Variants in COG4 observed in about 807,000 individuals in gnomAD.
COG4 encodes the protein conserved oligomeric Golgi complex subunit 4.
In COG4, 65 loss-of-function variants were observed where a neutral mutation model predicts 95.1. The observed-to-expected ratio is 0.68, with a 90% CI of 0.56 to 0.84. The LOEUF (loss-of-function observed/expected upper bound fraction) is 0.84. COG4 is among the 40% of genes least tolerant of loss of function. The probability of loss-of-function intolerance (pLI) is 0.00; values close to 1 mark genes in which losing one functional copy is unlikely to be tolerated. For synonymous variants in COG4, 421 were observed against 374.8 expected, an observed-to-expected ratio of 1.12 and a Z score of -1.42; for missense variants, 1,045 against 989.1, an observed-to-expected ratio of 1.06 and a Z score of -0.76.
At chr16:70,510,998 G>T (rs542279802) in intron 5 of COG4, among the ~76,000 whole-genome samples, 43 of 151,820 alleles carry the variant, frequency 2.8e-4, no homozygotes, top group African/African-American at 8.2e-4. Flanking sequence ...CCTCTGATCT[G>T]AGGTGATCCA....
intron 12 of COG4, among the ~76,000 whole-genome samples, chr16:70,493,939 G>T (rs1242803847): frequency 6.6e-6 from 1 of 152,156 alleles, no homozygotes; most frequent in African/African-American, 2.4e-5. Flanking sequence ...ACATGAGTCA[G>T]GAGCTTCAGG....
chr16:70,509,863 T>C lies in COG4; in HGVS notation c.844+53A>G, dbSNP rs866740626. 2.7e-5 allele frequency: 35 copies of C among 1,313,162 alleles called. No homozygotes were observed. In the Middle Eastern group the frequency reaches 4.2e-3, roughly 157 times the overall value. 81.3% of individuals were successfully genotyped at this position (1,313,162 alleles called of 1,614,324 possible). ...AGAAGGGTGAGAAGAAAGGCTAGGA[T>C]GCAGGTGTCATATACAGTCTCCAGT... is the stretch of plus-strand genomic sequence containing the variant. On this transcript the variant is annotated intron_variant, in intron 6 of 18. Coordinates refer to ENST00000323786, the MANE Select transcript of COG4 (RefSeq NM_015386.3).
intron 18 of COG4, 60 bp downstream of exon 18, chr16:70,481,299 G>T: frequency 6.2e-7 from 1 of 1,608,230 alleles, no homozygotes; most frequent in Non-Finnish European, 8.5e-7. Flanking sequence ...AAGTGGCGGG[G>T]ATCCATCTTT....
At chr16:70,515,012 C>CT (rs545289187) in intron 3 of COG4, among the ~76,000 whole-genome samples, 6,287 of 140,346 alleles carry the variant, frequency 0.045, 449 homozygotes, top group African/African-American at 0.15. Context: ...CAGAGCCCAA[C>CT]TTTTTTTTTT....
intron 4 of COG4, among the ~76,000 whole-genome samples, chr16:70,513,354 C>T (rs191188174): frequency 6.6e-6 from 1 of 152,230 alleles, no homozygotes; most frequent in African/African-American, 2.4e-5. Context: ...GCAAAGAACC[C>T]GCTGGCCAGA....
At chr16:70,498,186 G>A (rs953485552) in intron 9 of COG4, 131 bp from the exon 10 acceptor site, 16 of 668,962 alleles carry the variant, frequency 2.4e-5, no homozygotes, top group African/African-American at 2.0e-4. Context: ...TTACAATCAT[G>A]ATACAGATAG....
chr16:70,501,208 T>C, intron 8 of COG4, 117 bp from the exon 9 acceptor site: 1 of 1,154,872 alleles, frequency 8.7e-7, no homozygotes, highest in Non-Finnish European at 1.3e-6. Flanking sequence ...GGAAAAGCTC[T>C]GCCAGATGGC....
chr16:70,522,574 C>T (rs967585986), intron 1 of COG4, among the ~76,000 whole-genome samples: 1 of 152,216 alleles, frequency 6.6e-6, no homozygotes, highest in Non-Finnish European at 1.5e-5. Flanking sequence ...TCACCTCTCC[C>T]TCAGGCTGAA....
rs766214546 is a variant in COG4, at chr16:70,497,206, G to A, written c.1481+15C>T. 20 of 1,613,420 alleles carry A rather than the reference G, an allele frequency of 1.2e-5. No individual in the cohort carries two copies. Among genetic ancestry groups the A allele is most frequent in the Non-Finnish European group, 1.6e-5 (19 of 1,179,384 alleles). ...GGCCTTTCTGCCTAGAAAGGAGAAA[G>A]GGAGTCAACTGTACCTGAAGTCAGA... On this transcript the variant is annotated intron_variant, in intron 11 of 18. Coordinates refer to ENST00000323786, the MANE Select transcript of COG4 (RefSeq NM_015386.3).
intron 8 of COG4, among the ~76,000 whole-genome samples, chr16:70,502,462 A>G (rs1236945426): frequency 6.9e-6 from 1 of 144,058 alleles, no homozygotes; most frequent in African/African-American, 2.6e-5. Flanking sequence ...TTAGCCAGGC[A>G]TGGTGGCACA....
At chr16:70,522,100 C>T (rs552717141) in intron 1 of COG4, among the ~76,000 whole-genome samples, 32 of 151,054 alleles carry the variant, frequency 2.1e-4, no homozygotes, top group Middle Eastern at 6.8e-3. Context: ...CAGGTTCAAG[C>T]AATTCTCCTG....
At chr16:70,521,677 G>A (rs2049945039) in intron 1 of COG4, among the ~76,000 whole-genome samples, 2 of 151,464 alleles carry the variant, frequency 1.3e-5, no homozygotes, top group South Asian at 2.1e-4. Context: ...GCGAGCTTAG[G>A]AATGTTAAGT....
At chr16:70,503,626 A>C (rs1597675166) in intron 8 of COG4, among the ~76,000 whole-genome samples, 4 of 127,468 alleles carry the variant, frequency 3.1e-5, no homozygotes, top group South Asian at 2.2e-4. Context: ...ACGGAGTCTC[A>C]CTCTGTCGCC....
intron 3 of COG4, among the ~76,000 whole-genome samples, chr16:70,517,146 G>C (rs1276001018): frequency 6.6e-6 from 1 of 151,994 alleles, no homozygotes; most frequent in Non-Finnish European, 1.5e-5. Context: ...CAATCCTCCT[G>C]TTCTGGCCTC....
At chr16:70,496,551 G>A in intron 11 of COG4, 120 bp from the exon 12 acceptor site, 2 of 975,178 alleles carry the variant, frequency 2.1e-6, no homozygotes, top group South Asian at 1.4e-5. Context: ...GGAATAACCA[G>A]TCCTTAAGAC....
chr16:70,492,593 A>G (rs7200978), intron 12 of COG4, among the ~76,000 whole-genome samples: 18,190 of 151,154 alleles, frequency 0.12, 3,632 homozygotes, highest in African/African-American at 0.42. Context: ...CCCAGCGGGC[A>G]GAGGTTGCAG....
Position 70,497,281 on chromosome 16 carries a change from C to A in COG4, c.1421G>T (p.Ser474Ile). ...KCIGRALSSS[S>I]IDCLCAMINL... ...GATCATGGCACAGAGACAGTCAATGCTGGAGCTGGACAGAGCCCGCCCAAT... is the reference window on the plus strand; with the variant it reads ...GATCATGGCACAGAGACAGTCAATGATGGAGCTGGACAGAGCCCGCCCAAT... The change falls in exon 11 of 19, where the codon AGC (serine) becomes ATC (isoleucine). Residue 474 changes from serine to isoleucine, a missense_variant. Physicochemically the swap from Ser to Ile is moderately radical, Grantham distance 142. Coordinates refer to ENST00000323786, the MANE Select transcript of COG4 (RefSeq NM_015386.3). 6.2e-7 allele frequency: 1 copy of A among 1,614,176 alleles called. No individual in the cohort carries two copies. The highest frequency in any genetic ancestry group is 8.5e-7 in the Non-Finnish European group (1 of 1,180,030).
At chr16:70,510,445 C>A (rs760966155) in intron 5 of COG4, among the ~76,000 whole-genome samples, 1 of 152,162 alleles carries the variant, frequency 6.6e-6, no homozygotes, top group Non-Finnish European at 1.5e-5. Flanking sequence ...ACCTCAGCCT[C>A]CTGAGTAGCT....
chr16:70,484,100 G>C, intron 13 of COG4, 131 bp from the exon 14 acceptor site: 1 of 734,334 alleles, frequency 1.4e-6, no homozygotes, highest in East Asian at 2.6e-5. Context: ...AGAAAACCTG[G>C]ATTCTATCCT....
Sources: allele counts gnomAD v4.1 joint callset (sites outside exome capture counted in the v4.1 genomes callset), GRCh38; gene constraint gnomAD v4.1.1; transcripts MANE v1.5; gene names NCBI Gene and HGNC (gene_info 2026-07-23, HGNC 2026-07-21).